WWOX: variants seen among roughly 807,000 people sequenced by gnomAD.
WWOX encodes WW domain-containing oxidoreductase.
Under a neutral mutation model 46.2 loss-of-function variants are expected in WWOX, and 69 were observed. That is an observed-to-expected ratio of 1.49 (90% CI 1.23 to 1.82). The LOEUF (loss-of-function observed/expected upper bound fraction) is 1.82. Ranked by LOEUF, WWOX falls within the 40% of genes most tolerant of loss-of-function variation. WWOX has a pLI of 0.00. For missense variants in WWOX, 919 were observed against 542.6 expected (o/e 1.69, Z -6.89); for synonymous variants, 359 against 202.6 (o/e 1.77, Z -6.56).
intron 8 of WWOX, among the ~76,000 whole-genome samples, chr16:79,087,304 G>A (rs957200087): frequency 6.6e-6 from 1 of 152,204 alleles, no homozygotes; most frequent in Non-Finnish European, 1.5e-5. Flanking sequence ...GAAAATGCTT[G>A]GTTCTTCCTG....
chr16:78,912,836 G>C (rs1597141308), intron 8 of WWOX, among the ~76,000 whole-genome samples: 1 of 152,056 alleles, frequency 6.6e-6, no homozygotes, highest in South Asian at 2.1e-4. Flanking sequence ...TCCCTCAAGA[G>C]GTCAGACGTA....
intron 8 of WWOX, among the ~76,000 whole-genome samples, chr16:78,679,138 A>T (rs1160997010): frequency 6.6e-6 from 1 of 152,174 alleles, no homozygotes; most frequent in Non-Finnish European, 1.5e-5. Context: ...CTAGGGATGG[A>T]TTCAGGGAGG....
chr16:78,809,669 C>G (rs557432636), intron 8 of WWOX, among the ~76,000 whole-genome samples: 1 of 152,132 alleles, frequency 6.6e-6, no homozygotes, highest in Non-Finnish European at 1.5e-5. Context: ...TTTCCAGATG[C>G]CTTCTAGAAA....
At chr16:78,972,405 C>T (rs991032950) in intron 8 of WWOX, among the ~76,000 whole-genome samples, 1 of 150,434 alleles carries the variant, frequency 6.6e-6, no homozygotes. Context: ...TTATTTATAT[C>T]TATAATATTT....
At chr16:78,756,324 CA>C (rs201270275) in intron 8 of WWOX, among the ~76,000 whole-genome samples, 7 of 150,912 alleles carry the variant, frequency 4.6e-5, no homozygotes, top group South Asian at 2.1e-4. Context: ...TTGAAACAAA[CA>C]AAAAAAAATC....
rs1361144708 is a variant in WWOX at position 78,346,201 on chromosome 16, A to G, written c.517-40659A>G. 2.5e-5 allele frequency among the ~76,000 whole-genome samples: 3 copies of G among 121,730 alleles called. 1 individual carries two copies. The highest frequency in any genetic ancestry group is 8.3e-5 in the African/African-American group (3 of 35,964). 79.9% of individuals were successfully genotyped at this position (121,730 alleles called of 152,430 possible). On this transcript the variant is annotated intron_variant, in intron 5 of 8. Coordinates refer to ENST00000566780, the MANE Select transcript of WWOX (RefSeq NM_016373.4). ...ATGTACCCATACTGCTGCCTGTATCAGTGGCTTACTCATTGTCATTGGTGA... is the reference window on the plus strand; with the variant it reads ...ATGTACCCATACTGCTGCCTGTATCGGTGGCTTACTCATTGTCATTGGTGA...
chr16:78,397,623 GT>G (rs2082317949), intron 6 of WWOX, among the ~76,000 whole-genome samples: 1 of 152,188 alleles, frequency 6.6e-6, no homozygotes, highest in Non-Finnish European at 1.5e-5. Context: ...AAAAAACATT[GT>G]TTCTAAAGGA....
chr16:78,591,667 C>G (rs1024159834), intron 8 of WWOX, among the ~76,000 whole-genome samples: 1 of 152,158 alleles, frequency 6.6e-6, no homozygotes, highest in Non-Finnish European at 1.5e-5. Flanking sequence ...ATGAGCATAA[C>G]CATATCAGTT....
At chr16:78,251,484 C>T (rs994038983) in intron 5 of WWOX, among the ~76,000 whole-genome samples, 1 of 152,196 alleles carries the variant, frequency 6.6e-6, no homozygotes, top group African/African-American at 2.4e-5. Flanking sequence ...CCAGGCGTCT[C>T]TCAGCTTCTC....
chr16:79,192,713 C>T (rs905272842), intron 8 of WWOX, among the ~76,000 whole-genome samples: 2 of 152,112 alleles, frequency 1.3e-5, no homozygotes, highest in Non-Finnish European at 2.9e-5. Context: ...TTTGTGGAGT[C>T]CAGCCCCTTT....
intron 8 of WWOX, among the ~76,000 whole-genome samples, chr16:78,965,851 G>A (rs1207712732): frequency 1.3e-5 from 2 of 152,150 alleles, no homozygotes; most frequent in South Asian, 4.1e-4. Flanking sequence ...CACAGGAGCA[G>A]TTCTTAGATT....
At chr16:78,560,386 T>G (rs978786385) in intron 8 of WWOX, among the ~76,000 whole-genome samples, 4 of 152,192 alleles carry the variant, frequency 2.6e-5, no homozygotes, top group Non-Finnish European at 4.4e-5. Context: ...CTCACGCCTG[T>G]AATCCCAGCA....
chr16:78,770,121 G>A (rs940145758), intron 8 of WWOX, among the ~76,000 whole-genome samples: 3 of 152,076 alleles, frequency 2.0e-5, no homozygotes, highest in Non-Finnish European at 4.4e-5. Flanking sequence ...GGAATACGAG[G>A]TGGGCCAATC....
intron 5 of WWOX, among the ~76,000 whole-genome samples, chr16:78,264,114 T>A (rs1257157896): frequency 6.7e-6 from 1 of 149,498 alleles, no homozygotes; most frequent in Non-Finnish European, 1.5e-5. Flanking sequence ...CGGTGATCAC[T>A]TCTTGAGTCT....
intron 8 of WWOX, among the ~76,000 whole-genome samples, chr16:79,040,938 G>C (rs1156697993): frequency 6.6e-6 from 1 of 152,114 alleles, no homozygotes; most frequent in African/African-American, 2.4e-5. Context: ...CATGGATGGA[G>C]CATGGGTTTT....
At chr16:78,203,438 T>A (rs761054240) in intron 5 of WWOX, among the ~76,000 whole-genome samples, 20 of 152,180 alleles carry the variant, frequency 1.3e-4, no homozygotes, top group Non-Finnish European at 2.2e-4. Context: ...TAATAAATAT[T>A]TTGAGTGTAT....
chr16:78,656,697 C>G (rs953080636), intron 8 of WWOX, among the ~76,000 whole-genome samples: 1 of 152,176 alleles, frequency 6.6e-6, no homozygotes, highest in Non-Finnish European at 1.5e-5. Flanking sequence ...GGCTGGGACA[C>G]AAATCCCAAC....
At chr16:79,032,165 G>A (rs968422159) in intron 8 of WWOX, among the ~76,000 whole-genome samples, 1 of 144,486 alleles carries the variant, frequency 6.9e-6, no homozygotes, top group Non-Finnish European at 1.5e-5. Flanking sequence ...TATAAAAACT[G>A]TTTTCCTTTG....
chr16:79,129,569 G>A (rs886318997), intron 8 of WWOX, among the ~76,000 whole-genome samples: 2 of 151,566 alleles, frequency 1.3e-5, no homozygotes, highest in African/African-American at 4.9e-5. Context: ...AAATAATTAG[G>A]ATTACCTCTA....
Sources: gnomAD v4.1 joint callset for allele counts (sites outside exome capture counted in the v4.1 genomes callset) on GRCh38, gnomAD v4.1.1 for gene constraint, MANE v1.5 for transcripts, NCBI Gene and HGNC (gene_info 2026-07-23, HGNC 2026-07-21) for gene names.